Variants in PADI1 observed in about 807,000 individuals in gnomAD.
The protein encoded by PADI1 is peptidyl arginine deiminase 1.
Under a neutral mutation model 74.8 loss-of-function variants are expected in PADI1, and 65 were observed. The ratio of observed to expected loss-of-function variants is 0.87; its 90% CI spans 0.71 to 1.07. PADI1 has a LOEUF of 1.07. Ranked by LOEUF, PADI1 falls within the 50% of genes least tolerant of loss-of-function variation. The probability of loss-of-function intolerance (pLI) is 0.00; values close to 1 mark genes in which losing one functional copy is unlikely to be tolerated. For synonymous variants in PADI1, 371 were observed against 336.2 expected (o/e 1.10, Z -1.13); for missense variants, 943 against 854.0 (o/e 1.10, Z -1.30).
rs373990524 is a variant in PADI1, at chr1:17,223,693, G to T, written c.346G>T (p.Asp116Tyr). ...CAGCGTGCTTTACCTCACTGGCGTC[G>T]GTAAGTAGCAGCTCCCTGGCTGCCC... ...GRSVLYLTGV[D>Y]ISLEVDTGRT... The change falls in exon 3 of 16, where the codon GAT (aspartate) becomes TAT (tyrosine). Residue 116 changes from aspartate to tyrosine, a missense_variant and splice_region_variant. Coordinates refer to ENST00000375471, the MANE Select transcript of PADI1 (RefSeq NM_013358.3). 6.2e-7 allele frequency: 1 copy of T among 1,613,522 alleles called. No homozygotes were observed. The highest frequency in any genetic ancestry group is 8.5e-7 in the Non-Finnish European group (1 of 1,179,576).
At chr1:17,227,169 C>T (rs1220618735) in intron 6 of PADI1, among the ~76,000 whole-genome samples, 1 of 150,268 alleles carries the variant, frequency 6.7e-6, no homozygotes, top group Non-Finnish European at 1.5e-5. Flanking sequence ...TGCACTCCAG[C>T]CTGGGTGAGT....
rs1277463514 is a variant in PADI1, at chr1:17,222,453, G to C, written c.256G>C (p.Glu86Gln). The change falls in exon 2 of 16, where the codon GAA (glutamate) becomes CAA (glutamine). Residue 86 changes from glutamate (E) to glutamine (Q), a missense_variant. Glu to Gln is a conservative substitution (Grantham distance 29). Transcript: ENST00000375471. ...CGTATCTGTGGGCACAGCCAGTAAG[G>C]AATTAAAGGACTTCAAGGTAAGAGG... ...MVVSVGTASK[E>Q]LKDFKVRVSY... 1.1e-5 allele frequency: 18 copies of C among 1,613,794 alleles called. No homozygotes were observed. The highest frequency in any genetic ancestry group is 5.0e-5 in the Admixed American group (3 of 60,016).
At position 17,226,195 on chromosome 1, in the gene PADI1, A is replaced by C. The variant is rs977965236; in HGVS notation, c.652+37A>C. ...GATGGGGCCTTTTCCTCCCAGCTCC[A>C]TCCATATCTATCCTCTCCTCCCCCA... On this transcript the variant is annotated intron_variant, in intron 6 of 15. Transcript: ENST00000375471. The C allele has an allele frequency of 1.9e-6, 3 of 1,600,750 alleles. No individual in the cohort carries two copies. The South Asian group carries it at 3.3e-5, about 18-fold the overall frequency.
intron 1 of PADI1, among the ~76,000 whole-genome samples, chr1:17,219,803 G>A (rs1048498745): frequency 1.3e-5 from 2 of 152,088 alleles, no homozygotes; most frequent in Middle Eastern, 3.2e-3. Flanking sequence ...CCACCTCCAG[G>A]CCCAGGGGCT....
At chr1:17,232,134 G>A (rs577975142) in intron 10 of PADI1, among the ~76,000 whole-genome samples, 2 of 151,992 alleles carry the variant, frequency 1.3e-5, no homozygotes, top group Non-Finnish European at 2.9e-5. Context: ...TTTTAGTAGA[G>A]ATGGGGTTTC....
At chr1:17,233,010 T>C in intron 11 of PADI1, 40 bp downstream of exon 11, 1 of 1,541,470 alleles carries the variant, frequency 6.5e-7, no homozygotes, top group Non-Finnish European at 8.8e-7. Context: ...CACAAGGGAA[T>C]GACTGCAGCA....
chr1:17,234,031 G>A (rs1205450409), intron 11 of PADI1, among the ~76,000 whole-genome samples: 1 of 152,218 alleles, frequency 6.6e-6, no homozygotes, highest in East Asian at 1.9e-4. Context: ...TGAGGCCTCA[G>A]GACAGTCTTT....
intron 10 of PADI1, 21 bp from the exon 11 acceptor site, chr1:17,232,798 G>T (rs1427271524): frequency 1.2e-6 from 2 of 1,600,228 alleles, no homozygotes; most frequent in Admixed American, 1.7e-5. Context: ...TGGGGTGGGG[G>T]TCTCGCTGGT....
intron 5 of PADI1, 23 bp downstream of exon 5, chr1:17,225,951 T>C: frequency 6.2e-7 from 1 of 1,612,284 alleles, no homozygotes; most frequent in Non-Finnish European, 8.5e-7. Flanking sequence ...AGGTGTTGTC[T>C]GGGGAGTGGG....
intron 10 of PADI1, among the ~76,000 whole-genome samples, chr1:17,231,381 C>T (rs539209705): frequency 1.3e-5 from 2 of 152,206 alleles, no homozygotes; most frequent in African/African-American, 2.4e-5. Flanking sequence ...CACTCAGCCT[C>T]GAGGCTGCAC....
chr1:17,224,555 G>A lies in PADI1; in HGVS notation c.408+127G>A. The A allele has an allele frequency of 8.0e-6, 6 of 753,412 alleles. No homozygotes were observed. The South Asian group carries it at 9.3e-5, about 12-fold the overall frequency. 46.7% of individuals were successfully genotyped at this position (753,412 alleles called of 1,614,324 possible). A position where few individuals can be genotyped will look rare whatever the true frequency, so the allele number is the denominator to read the frequency against. On this transcript the variant is annotated intron_variant, in intron 4 of 15. Coordinates refer to ENST00000375471, the MANE Select transcript of PADI1 (RefSeq NM_013358.3). ...AGGGTCTGTAGTATCCAACCATGTA[G>A]GGAACCCATCTGGGACAGCAAAATT...
At chr1:17,228,270 A>T (rs936596203) in intron 6 of PADI1, among the ~76,000 whole-genome samples, 2 of 152,152 alleles carry the variant, frequency 1.3e-5, no homozygotes, top group Non-Finnish European at 2.9e-5. Context: ...GAGCCACCAT[A>T]CCTGTCTGGT....
At chr1:17,237,191 G>A (rs979453715) in intron 11 of PADI1, 123 bp from the exon 12 acceptor site, 4 of 1,121,642 alleles carry the variant, frequency 3.6e-6, no homozygotes, top group Admixed American at 2.3e-5. Flanking sequence ...CACGCTCTAC[G>A]CCCCACGTTT....
Position 17,228,845 on chromosome 1 carries a change from G to A in PADI1, c.825+48G>A, listed in dbSNP as rs770446237. 3.1e-6 allele frequency: 5 copies of A among 1,604,942 alleles called. No homozygotes were observed. In the South Asian group the frequency reaches 3.3e-5, roughly 11 times the overall value. The stretch of plus-strand genomic sequence containing the variant: ...GCCAAGGAGGCTGAGGGGTTTGGGG[G>A]CCCAGTTTGCAGGCTCCAGGGCTGG... On this transcript the variant is annotated intron_variant, in intron 7 of 15. Coordinates refer to ENST00000375471, the MANE Select transcript of PADI1 (RefSeq NM_013358.3).
intron 6 of PADI1, among the ~76,000 whole-genome samples, chr1:17,227,845 C>A (rs1402734217): frequency 6.6e-6 from 1 of 152,202 alleles, no homozygotes; most frequent in African/African-American, 2.4e-5. Context: ...GCCTCTCTTG[C>A]CGTGTGCAGC....
intron 14 of PADI1, 130 bp downstream of exon 14, chr1:17,239,913 A>AGCT: frequency 1.4e-6 from 1 of 713,552 alleles, no homozygotes; most frequent in South Asian, 1.7e-5. Flanking sequence ...TGGGGCCTGC[A>AGCT]GGTGGGATAG....
chr1:17,235,980 G>A (rs1429314269), intron 11 of PADI1, among the ~76,000 whole-genome samples: 1 of 152,156 alleles, frequency 6.6e-6, no homozygotes, highest in Non-Finnish European at 1.5e-5. Flanking sequence ...CCAGGAATGA[G>A]GCCTTTGGTG....
chr1:17,227,569 A>AT lies in PADI1; in HGVS notation c.653-1055dup, dbSNP rs1167025366. 7.2e-4 allele frequency among the ~76,000 whole-genome samples: 101 copies of AT among 140,216 alleles called. 1 individual carries two copies. Among genetic ancestry groups the AT allele is most frequent in the African/African-American group, 1.7e-3 (69 of 39,968 alleles). The allele number at this position is 140,216 out of a possible 152,430, so 92.0% of individuals were successfully genotyped here. Reference sequence around the variant, plus strand: ...AATAAATAAATAAATAAATAAATAAATAAATAAATAAATTACCACTCCTTA... The same window carrying AT: ...AATAAATAAATAAATAAATAAATAAATTAAATAAATAAATTACCACTCCTTA... On this transcript the variant is annotated intron_variant, in intron 6 of 15. Transcript: ENST00000375471.
chr1:17,220,422 G>A (rs529676514), intron 1 of PADI1, among the ~76,000 whole-genome samples: 7 of 152,124 alleles, frequency 4.6e-5, no homozygotes, highest in Admixed American at 3.9e-4. Flanking sequence ...AAAGGATGAA[G>A]GCGGGAGAAT....
Sources: gnomAD v4.1 joint callset for allele counts (sites outside exome capture counted in the v4.1 genomes callset) on GRCh38, gnomAD v4.1.1 for gene constraint, MANE v1.5 for transcripts, NCBI Gene and HGNC (gene_info 2026-07-23, HGNC 2026-07-21) for gene names.